STOX2: variants seen among roughly 807,000 people sequenced by gnomAD.
STOX2 encodes the protein storkhead box 2, also known as storkhead-box protein 2.
A neutral mutation model predicts 60.9 loss-of-function variants in STOX2; 28 were observed. The observed-to-expected ratio is 0.46, with a 90% CI of 0.34 to 0.63. STOX2 has a LOEUF of 0.63. Among genes scored for constraint, STOX2 ranks in the 30% least tolerant of loss-of-function variants. STOX2 has a pLI of 0.01. For missense variants in STOX2, 1,024 were observed against 1,187.7 expected, an observed-to-expected ratio of 0.86 and a Z score of 2.03; for synonymous variants, 472 against 463.9, an observed-to-expected ratio of 1.02 and a Z score of -0.22.
At chr4:183,960,730 G>A (rs1021511952) in intron 1 of STOX2, among the ~76,000 whole-genome samples, 1 of 152,110 alleles carries the variant, frequency 6.6e-6, no homozygotes. Flanking sequence ...AAAGAGTGTC[G>A]GATTTGCTTG....
At chr4:183,930,870 A>G (rs1021991695) in intron 1 of STOX2, among the ~76,000 whole-genome samples, 1 of 152,220 alleles carries the variant, frequency 6.6e-6, no homozygotes, top group Non-Finnish European at 1.5e-5. Flanking sequence ...TATTCCTAGA[A>G]TCTTATGTGG....
Position 183,845,421 on chromosome 4 carries a change from A to G in STOX2, c.364+47366A>G, listed in dbSNP as rs74641103. On this transcript the variant is annotated intron_variant, in intron 1 of 2. Transcript: ENST00000513034. ...AAGATAGAATATATCACATGGAATT[A>G]TTAGAGATGAGGACAAAAAGATGGA... Among the ~76,000 whole-genome samples the G allele has an allele frequency of 5.3e-5, 8 of 152,346 alleles. No individual in the cohort carries two copies. In the East Asian group the frequency reaches 1.3e-3, roughly 26 times the overall value.
chr4:183,989,433 C>T lies in STOX2; in HGVS notation c.167-11892C>T, dbSNP rs148642910. Among the ~76,000 whole-genome samples the T allele has an allele frequency of 9.2e-4, 140 of 152,202 alleles. 1 individual carries two copies. In the East Asian group the frequency reaches 0.022, roughly 24 times the overall value. Reference sequence around the variant, plus strand: ...GTTAGGCTGGTCTTGAACTTCTGACCTCTGTTGACCTGCCTGCCTTGGCCT... The same window carrying T: ...GTTAGGCTGGTCTTGAACTTCTGACTTCTGTTGACCTGCCTGCCTTGGCCT... On this transcript the variant is annotated intron_variant, in intron 1 of 3. Coordinates refer to ENST00000308497, the MANE Select transcript of STOX2 (RefSeq NM_020225.3).
intron 1 of STOX2, among the ~76,000 whole-genome samples, chr4:183,868,541 C>T (rs960225471): frequency 2.0e-5 from 3 of 152,230 alleles, no homozygotes; most frequent in African/African-American, 7.2e-5. Context: ...GCCCCAAAGA[C>T]GAATGTCCCG....
In STOX2 at chr4:183,856,568, C is replaced by T. The variant is rs111712470; in HGVS notation, c.364+58513C>T. 6.0e-3 allele frequency among the ~76,000 whole-genome samples: 917 copies of T among 152,266 alleles called. 6 individuals carry two copies. Among genetic ancestry groups the T allele is most frequent in the African/African-American group, 0.019 (777 of 41,544 alleles). ...GCCTTCCAAAGCCTTGTCTAAAAGC[C>T]GTCCCTGCTCTCAGCCACCTGCCCC... is the stretch of plus-strand genomic sequence containing the variant. On this transcript the variant is annotated intron_variant, in intron 1 of 2. Coordinates refer to the STOX2 transcript ENST00000513034. The surrounding 1 kb of genome is among the most constrained non-coding windows in gnomAD (Gnocchi z 4.0).
chr4:183,857,562 T>C (rs1057417075), intron 1 of STOX2, among the ~76,000 whole-genome samples: 5 of 152,190 alleles, frequency 3.3e-5, no homozygotes, highest in Non-Finnish European at 7.3e-5. Context: ...AATCTACTTA[T>C]TTTTCCTCTT....
At chr4:183,889,989 G>A (rs1370899181) in intron 1 of STOX2, among the ~76,000 whole-genome samples, 3 of 152,196 alleles carry the variant, frequency 2.0e-5, no homozygotes, top group Non-Finnish European at 4.4e-5. Flanking sequence ...AGACTATACA[G>A]CCTGAGAAGC....
intron 1 of STOX2, among the ~76,000 whole-genome samples, chr4:183,838,735 C>A (rs529483754): frequency 2.6e-5 from 4 of 152,318 alleles, no homozygotes; most frequent in Admixed American, 2.0e-4. Flanking sequence ...CCACTTGGGG[C>A]ACCCATTGTG....
chr4:183,934,044 C>G (rs1742515127), intron 1 of STOX2, among the ~76,000 whole-genome samples: 1 of 152,122 alleles, frequency 6.6e-6, no homozygotes, highest in African/African-American at 2.4e-5. Context: ...TGGCTCATGC[C>G]TGTGATCCTA....
At chr4:183,848,754 G>A (rs139456761) in intron 1 of STOX2, among the ~76,000 whole-genome samples, 116 of 152,346 alleles carry the variant, frequency 7.6e-4, no homozygotes, top group African/African-American at 2.6e-3. Context: ...GGAGTTAGAA[G>A]TGAAGATTAG....
At chr4:183,886,324 G>GAGGGTGAA (rs1276420829) in intron 1 of STOX2, among the ~76,000 whole-genome samples, 6 of 148,592 alleles carry the variant, frequency 4.0e-5, no homozygotes, top group Non-Finnish European at 4.5e-5. Flanking sequence ...GCAAGATCAG[G>GAGGGTGAA]GTCACTAGGA....
intron 1 of STOX2, among the ~76,000 whole-genome samples, chr4:183,981,928 ACT>A (rs1425069947): frequency 3.3e-5 from 5 of 152,284 alleles, no homozygotes; most frequent in African/African-American, 9.6e-5. Context: ...ACAGAGTGAG[ACT>A]CTGTCTCAAA....
chr4:183,893,848 C>T (rs1428550663), intron 1 of STOX2, among the ~76,000 whole-genome samples: 1 of 152,184 alleles, frequency 6.6e-6, no homozygotes, highest in Non-Finnish European at 1.5e-5. Context: ...CTAGTCTAAG[C>T]ATTTTGTTCT....
intron 2 of STOX2, among the ~76,000 whole-genome samples, chr4:184,006,910 G>T (rs1733873670): frequency 6.8e-6 from 1 of 147,156 alleles, no homozygotes; most frequent in South Asian, 2.1e-4. Context: ...CAGCTACTTG[G>T]GAGGCTGAGG....
chr4:183,888,784 T>A (rs1271964808), intron 1 of STOX2, among the ~76,000 whole-genome samples: 1 of 152,134 alleles, frequency 6.6e-6, no homozygotes, highest in Non-Finnish European at 1.5e-5. Context: ...AGTGCTACCT[T>A]TTCCCCACGC....
At chr4:183,924,388 A>G (rs1482000749) in intron 1 of STOX2, among the ~76,000 whole-genome samples, 1 of 152,060 alleles carries the variant, frequency 6.6e-6, no homozygotes, top group Non-Finnish European at 1.5e-5. Flanking sequence ...AGGACTTCTG[A>G]GGAGGCACAG....
At chr4:183,993,559 C>T (rs896908790) in intron 1 of STOX2, among the ~76,000 whole-genome samples, 3 of 152,168 alleles carry the variant, frequency 2.0e-5, no homozygotes, top group Non-Finnish European at 4.4e-5. Flanking sequence ...AGGAATTGGA[C>T]CTGCTTTAAG....
intron 1 of STOX2, among the ~76,000 whole-genome samples, chr4:183,829,910 G>C (rs1196850587): frequency 6.6e-6 from 1 of 152,242 alleles, no homozygotes; most frequent in African/African-American, 2.4e-5. Flanking sequence ...AGCATCTGCT[G>C]TGTGTGCTGG....
At chr4:183,916,277 C>G (rs1395116411) in intron 1 of STOX2, among the ~76,000 whole-genome samples, 1 of 152,192 alleles carries the variant, frequency 6.6e-6, no homozygotes, top group Non-Finnish European at 1.5e-5. Context: ...GCCTGGGTCT[C>G]CAGCCCTCCC....
Sources: gnomAD v4.1 joint callset for allele counts (sites outside exome capture counted in the v4.1 genomes callset) on GRCh38, gnomAD v4.1.1 for gene constraint, Gnocchi (gnomAD v3.1) non-coding constraint, MANE v1.5 for transcripts, NCBI Gene and HGNC (gene_info 2026-07-23, HGNC 2026-07-21) for gene names.